The following SPEF2 variants were observed in gnomAD, a reference collection of about 807,000 sequenced individuals.
SPEF2 encodes sperm flagellar and cilia associated 2.
In SPEF2, 187 loss-of-function variants were observed where a neutral mutation model predicts 224.6. The ratio of observed to expected loss-of-function variants is 0.83; its 90% confidence interval spans 0.74 to 0.94. The LOEUF is 0.94. Ranked by LOEUF, SPEF2 falls within the 40% of genes least tolerant of loss-of-function variation. SPEF2 has a pLI of 0.00. For synonymous variants in SPEF2, 715 were observed against 707.3 expected, an observed-to-expected ratio of 1.01 and a Z score of -0.17; for missense variants, 2,170 against 2,135.6, an observed-to-expected ratio of 1.02 and a Z score of -0.32.
chr5:35,660,823 C>A (rs1749591136), intron 8 of SPEF2, among the ~76,000 whole-genome samples: 1 of 152,156 alleles, frequency 6.6e-6, no homozygotes, highest in Non-Finnish European at 1.5e-5. Flanking sequence ...TGATAAGGAT[C>A]ATCTATTCTT....
chr5:35,773,117 A>G (rs985938403), intron 27 of SPEF2, among the ~76,000 whole-genome samples: 5 of 152,172 alleles, frequency 3.3e-5, no homozygotes, highest in African/African-American at 1.2e-4. Context: ...AGTGCCTCAC[A>G]CCTGTAACCC....
chr5:35,796,118 T>C (rs1261345871), intron 33 of SPEF2, among the ~76,000 whole-genome samples: 2 of 152,208 alleles, frequency 1.3e-5, no homozygotes, highest in African/African-American at 2.4e-5. Context: ...TTCCTTCCAA[T>C]TCTAAAAGCT....
At chr5:35,663,724 AT>A (rs1427215667) in intron 8 of SPEF2, among the ~76,000 whole-genome samples, 1 of 151,962 alleles carries the variant, frequency 6.6e-6, no homozygotes, top group Non-Finnish European at 1.5e-5. Flanking sequence ...AACATTATTT[AT>A]TTTCCTTAAA....
intron 34 of SPEF2, among the ~76,000 whole-genome samples, chr5:35,805,213 CT>C (rs1338252946): frequency 5.3e-5 from 8 of 151,928 alleles, no homozygotes; most frequent in Non-Finnish European, 4.4e-5. Flanking sequence ...TTCTCTCTTT[CT>C]TTTTTCAAGC....
intron 8 of SPEF2, among the ~76,000 whole-genome samples, chr5:35,659,416 C>T: frequency 6.6e-6 from 1 of 152,132 alleles, no homozygotes; most frequent in East Asian, 1.9e-4. Flanking sequence ...TTCTTTTAAT[C>T]TTGGTTCTAC....
At chr5:35,734,775 A>G (rs1262768043) in intron 21 of SPEF2, among the ~76,000 whole-genome samples, 2 of 140,704 alleles carry the variant, frequency 1.4e-5, no homozygotes. Context: ...ACACTGCTGC[A>G]ATCTCAGCTC....
rs1750020595 is a variant in SPEF2 at position 35,753,644 on chromosome 5, G to A, written c.3351G>A (p.Trp1117Ter). 1 of 1,614,110 alleles carries A rather than the reference G, an allele frequency of 6.2e-7. No homozygotes were observed. Among genetic ancestry groups the A allele is most frequent in the East Asian group, 2.2e-5 (1 of 44,876 alleles). The change falls in exon 24 of 37, where the codon TGG becomes TGA. Residue 1117 changes from tryptophan to a stop codon, truncating the protein, a stop_gained. Transcript: ENST00000356031. LOFTEE classifies it high-confidence loss of function. ...QRVNDLRDRLWDICDARKEEA... is the reference protein window; with the variant it reads ...QRVNDLRDRL ...TTCAGGATCTGCGAGACCGCCTGTG[G>A]GACATTTGTGATGCCCGGAAGGAAG...
intron 23 of SPEF2, among the ~76,000 whole-genome samples, chr5:35,745,819 A>G (rs1299841197): frequency 6.6e-6 from 1 of 152,236 alleles, no homozygotes; most frequent in Admixed American, 6.5e-5. Flanking sequence ...ACGCTACTAC[A>G]GCTGATGCTC....
intron 30 of SPEF2, among the ~76,000 whole-genome samples, chr5:35,783,924 G>A (rs4869476): frequency 0.27 from 41,655 of 152,004 alleles, 5,888 homozygotes; most frequent in African/African-American, 0.33. Context: ...TAAGCCCATC[G>A]GTACTCAATG....
At chr5:35,739,892 C>T in intron 21 of SPEF2, 27 bp from the exon 22 acceptor site, 2 of 1,607,006 alleles carry the variant, frequency 1.2e-6, no homozygotes, top group Non-Finnish European at 1.7e-6. Context: ...TTTGAAGTAA[C>T]AGTTTCTACA....
intron 1 of SPEF2, among the ~76,000 whole-genome samples, chr5:35,623,599 G>T (rs1182032955): frequency 3.3e-5 from 5 of 152,138 alleles, no homozygotes; most frequent in Non-Finnish European, 5.9e-5. Context: ...TAAATATTTT[G>T]CTGTAGAAAT....
intron 8 of SPEF2, among the ~76,000 whole-genome samples, chr5:35,661,412 A>G (rs1416426995): frequency 6.7e-6 from 1 of 148,980 alleles, no homozygotes; most frequent in Non-Finnish European, 1.5e-5. Flanking sequence ...TTTGTTAACA[A>G]AAAATATATA....
At chr5:35,638,454 G>C (rs1029726336) in intron 2 of SPEF2, among the ~76,000 whole-genome samples, 1 of 151,982 alleles carries the variant, frequency 6.6e-6, no homozygotes. Flanking sequence ...GTATGTTTTT[G>C]TTATGCCTTG....
Position 35,776,285 on chromosome 5 carries a change from G to A in SPEF2, c.4107G>A (p.Leu1369=), listed in dbSNP as rs1194788464. The change falls in exon 29 of 37, where the codon CTG becomes CTA. Residue 1369 remains leucine (L), a synonymous_variant. Transcript: ENST00000356031. ...TAGCCACGCAATTTCGACTTGAACT[G>A]ATAAAGACAAAAGCATTGGCTCTTC... ...EEIATQFRLE[L]IKTKALALLE... 2.5e-6 allele frequency: 4 copies of A among 1,610,982 alleles called. No individual in the cohort carries two copies. The highest frequency in any genetic ancestry group is 3.4e-6 in the Non-Finnish European group (4 of 1,178,964).
intron 26 of SPEF2, among the ~76,000 whole-genome samples, chr5:35,767,291 T>C (rs1009284383): frequency 2.0e-4 from 30 of 152,160 alleles, no homozygotes; most frequent in African/African-American, 7.2e-4. Context: ...CTTCTGTATA[T>C]ATAGTGCTTT....
At chr5:35,789,146 C>A (rs1476821943) in intron 30 of SPEF2, 1 of 702,808 alleles carries the variant, frequency 1.4e-6, no homozygotes, top group African/African-American at 1.7e-5. Context: ...TTGTTCCCAA[C>A]CTGTGTTACA....
intron 16 of SPEF2, 128 bp from the exon 17 acceptor site, chr5:35,704,426 A>G (rs1425060185): frequency 5.3e-6 from 3 of 570,232 alleles, no homozygotes; most frequent in Non-Finnish European, 9.3e-6. Context: ...ATCTTTTAAA[A>G]TATTTTTAAG....
chr5:35,701,958 A>G (rs1330250426), intron 16 of SPEF2, among the ~76,000 whole-genome samples: 1 of 152,156 alleles, frequency 6.6e-6, no homozygotes, highest in Non-Finnish European at 1.5e-5. Flanking sequence ...CAACCTGGGT[A>G]ACAGAGTGAG....
chr5:35,752,916 A>T (rs138134195), intron 23 of SPEF2, among the ~76,000 whole-genome samples: 1 of 150,218 alleles, frequency 6.7e-6, no homozygotes, highest in Non-Finnish European at 1.5e-5. Flanking sequence ...TATTTTTATT[A>T]TATTTATATG....
Sources: allele counts gnomAD v4.1 joint callset (sites outside exome capture counted in the v4.1 genomes callset), GRCh38; gene constraint gnomAD v4.1.1; transcripts MANE v1.5; gene names NCBI Gene and HGNC (gene_info 2026-07-23, HGNC 2026-07-21).